The following PAK3 variants were observed in gnomAD, a reference collection of about 807,000 sequenced individuals.
The protein encoded by PAK3 is p21 (RAC1) activated kinase 3, also known as serine/threonine-protein kinase PAK 3.
A neutral mutation model predicts 41.0 loss-of-function variants in PAK3; 4 were observed. The observed-to-expected ratio is 0.10, with a 90% CI of 0.05 to 0.22. The LOEUF (loss-of-function observed/expected upper bound fraction) is 0.22, where lower values mean the gene tolerates loss of function less well. Among genes scored for constraint, PAK3 ranks in the 10% least tolerant of loss-of-function variants. The pLI is 1.00. For synonymous variants in PAK3, 146 were observed against 139.6 expected (o/e 1.05, Z -0.32); for missense variants, 205 against 409.9 (o/e 0.50, Z 4.32).
At chrX:110,989,363 C>T (rs1379461977) in intron 1 of PAK3, among the ~76,000 whole-genome samples, 2 of 111,740 alleles carry the variant, frequency 1.8e-5, no homozygotes, top group Admixed American at 9.5e-5. Flanking sequence ...GAAAATAATC[C>T]CATGTGTCCA....
chrX:111,183,997 C>A (rs1001382499), intron 11 of PAK3, among the ~76,000 whole-genome samples: 3 of 111,212 alleles, frequency 2.7e-5, no homozygotes, highest in Non-Finnish European at 5.7e-5. Context: ...GTTAGGAGAC[C>A]TTTGTTACTT....
intron 1 of PAK3, among the ~76,000 whole-genome samples, chrX:110,973,620 G>T (rs1242715956): frequency 8.9e-6 from 1 of 111,995 alleles, no homozygotes; most frequent in Non-Finnish European, 1.9e-5. Context: ...AGGCCAAATT[G>T]TAAAGACCAT....
At chrX:110,978,221 C>T (rs2091375715) in intron 1 of PAK3, among the ~76,000 whole-genome samples, 1 of 110,897 alleles carries the variant, frequency 9.0e-6, no homozygotes, top group Non-Finnish European at 1.9e-5. Flanking sequence ...CCTTGAATTC[C>T]TGGGATGAAT....
At position 111,221,874 on chromosome X, in the gene PAK3, C is replaced by A. The variant is rs2149409706; in HGVS notation, c.*1427C>A. 9.0e-6 allele frequency: 1 copy of A among 111,704 alleles called. No homozygotes were observed. The highest frequency in any genetic ancestry group is 2.8e-4 in the East Asian group (1 of 3,560). 9.2% of individuals were successfully genotyped at this position (111,704 alleles called of 1,213,427 possible). A position where few individuals can be genotyped will look rare whatever the true frequency, so the allele number is the denominator to read the frequency against. On this transcript the variant is annotated 3_prime_UTR_variant, in exon 18 of 18. Transcript: ENST00000372007. ...AATAATTTTAACTTACAATCATATCCCAAGAAATGTCAGTCCGACAGAATT... is the reference window on the plus strand; with the variant it reads ...AATAATTTTAACTTACAATCATATCACAAGAAATGTCAGTCCGACAGAATT...
chrX:111,204,322 T>A (rs145551798), intron 16 of PAK3, among the ~76,000 whole-genome samples: 2,083 of 111,304 alleles, frequency 0.019, 23 homozygotes, highest in Non-Finnish European at 0.03. Flanking sequence ...TTTATGCTAC[T>A]ATTATGTTAT....
rs191872131 is a variant in PAK3, at chrX:110,978,601, G to C, written c.-28+33973G>C. Among the ~76,000 whole-genome samples the C allele has an allele frequency of 1.9e-3, 213 of 111,069 alleles. 1 individual carries two copies. Among genetic ancestry groups the C allele is most frequent in the African/African-American group, 6.8e-3 (207 of 30,663 alleles). The stretch of plus-strand genomic sequence containing the variant: ...ATTCTATTGACTAATATTTTGTTAA[G>C]AATATTTGAATCATATTTATGAAGG... On this transcript the variant is annotated intron_variant, in intron 1 of 14. Transcript: ENST00000425146.
chrX:111,208,580 A>G (rs775601787), intron 16 of PAK3, among the ~76,000 whole-genome samples: 17 of 112,317 alleles, frequency 1.5e-4, no homozygotes, highest in Non-Finnish European at 9.4e-5. Context: ...AGTATTCAAT[A>G]CAGTCACATG....
intron 3 of PAK3, among the ~76,000 whole-genome samples, chrX:111,097,998 G>A (rs1160360650): frequency 9.0e-6 from 1 of 111,151 alleles, no homozygotes; most frequent in Non-Finnish European, 1.9e-5. Flanking sequence ...GCAAGTCTCC[G>A]GACAGGCAGC....
At chrX:110,979,246 G>C (rs1344847839) in intron 1 of PAK3, among the ~76,000 whole-genome samples, 2 of 99,020 alleles carry the variant, frequency 2.0e-5, no homozygotes, top group Non-Finnish European at 4.1e-5. Context: ...CAATTTTCTT[G>C]ATCTTTTCAG....
rs1347005854 is a variant in PAK3, at chrX:111,226,154, C to T, written c.*5707C>T. On this transcript the variant is annotated 3_prime_UTR_variant, in exon 18 of 18. Transcript: ENST00000372007. ...TCATGCCATTGCACTCCAGCCTCGG[C>T]AACAAGAGTGAAACTTCGTCTCCAA... 1 of 109,074 alleles carries T rather than the reference C, an allele frequency of 9.2e-6. No homozygotes were observed. The allele number at this position is 109,074 out of a possible 1,213,427, so 9.0% of individuals were successfully genotyped here.
chrX:110,979,116 T>G (rs374267956), intron 1 of PAK3, among the ~76,000 whole-genome samples: 1 of 110,860 alleles, frequency 9.0e-6, no homozygotes, highest in East Asian at 2.8e-4. Context: ...ATAGAATTGC[T>G]TGTACTACTC....
chrX:111,044,736 T>G, intron 1 of PAK3, among the ~76,000 whole-genome samples: 1 of 112,519 alleles, frequency 8.9e-6, no homozygotes. Context: ...CTGGAAGTGC[T>G]TTTACGCATG....
At chrX:111,200,349 C>T (rs1326435335) in intron 16 of PAK3, among the ~76,000 whole-genome samples, 1 of 111,952 alleles carries the variant, frequency 8.9e-6, no homozygotes, top group Admixed American at 9.5e-5. Context: ...TCTCTCCTAA[C>T]TCCTCTCTGG....
In PAK3 at chrX:111,162,827, C is replaced by T. The variant is rs987238664; in HGVS notation, c.469-88C>T. ...TGTAGTTTCCTCCTATCCCTACATG[C>T]TTAAATATTTCATTTCCCTTGTTTT... On this transcript the variant is annotated intron_variant, in intron 8 of 17. Coordinates refer to ENST00000372007, the MANE Select transcript of PAK3 (RefSeq NM_002578.5). 4 of 882,652 alleles carry T rather than the reference C, an allele frequency of 4.5e-6. No individual in the cohort carries two copies. The African/African-American group carries it at 5.9e-5, about 13-fold the overall frequency. The allele number at this position is 882,652 out of a possible 1,213,427, so 72.7% of individuals were successfully genotyped here.
At chrX:110,982,235 G>C (rs1273125884) in intron 1 of PAK3, among the ~76,000 whole-genome samples, 1 of 111,683 alleles carries the variant, frequency 9.0e-6, no homozygotes, top group African/African-American at 3.3e-5. Context: ...GCTGAAAATA[G>C]AACGATATAT....
At chrX:110,980,489 G>A (rs1602634365) in intron 1 of PAK3, among the ~76,000 whole-genome samples, 1 of 111,551 alleles carries the variant, frequency 9.0e-6, no homozygotes, top group African/African-American at 3.3e-5. Context: ...TCTGTAGTAG[G>A]GAAGTCATGG....
At chrX:111,020,095 A>T (rs767025629) in intron 1 of PAK3, among the ~76,000 whole-genome samples, 4 of 112,301 alleles carry the variant, frequency 3.6e-5, no homozygotes, top group African/African-American at 6.5e-5. Flanking sequence ...GAAAGCAGGG[A>T]CTTCAGTAGA....
rs748244337 is a variant in PAK3, at chrX:111,029,597, C to T, written c.-28+84969C>T. On this transcript the variant is annotated intron_variant, in intron 1 of 14. Coordinates refer to the PAK3 transcript ENST00000425146. ...TATACCATACTGCATTTATCAATACCGTAAGCTTGCATCATCTGTTTAAAA... is the reference window on the plus strand; with the variant it reads ...TATACCATACTGCATTTATCAATACTGTAAGCTTGCATCATCTGTTTAAAA... Among the ~76,000 whole-genome samples the T allele has an allele frequency of 7.2e-5, 8 of 111,863 alleles. No homozygotes were observed. The South Asian group carries it at 1.9e-3, about 27-fold the overall frequency.
rs1379243826 is a variant in PAK3 at position 111,112,878 on chromosome X, A to G, written c.-28+9572A>G. Among the ~76,000 whole-genome samples, 5 of 111,846 alleles carry G rather than the reference A, an allele frequency of 4.5e-5. No individual in the cohort carries two copies. The East Asian group carries it at 1.4e-3, about 32-fold the overall frequency. ...TCTTTTTCCGAGTGTTATGTGCCTAATAAATTTCCCCAAAGAGATCTGTCC... is the reference window on the plus strand; with the variant it reads ...TCTTTTTCCGAGTGTTATGTGCCTAGTAAATTTCCCCAAAGAGATCTGTCC... On this transcript the variant is annotated intron_variant, in intron 4 of 17. Transcript: ENST00000372007.
Sources: allele counts gnomAD v4.1 joint callset (sites outside exome capture counted in the v4.1 genomes callset), GRCh38; gene constraint gnomAD v4.1.1; transcripts MANE v1.5; gene names NCBI Gene and HGNC (gene_info 2026-07-23, HGNC 2026-07-21).